Variants in DPP9 observed in about 807,000 individuals in gnomAD.
DPP9 encodes the protein dipeptidyl peptidase IV-related protein-2.
Under a neutral mutation model 110.7 loss-of-function variants are expected in DPP9, and 50 were observed. That is an observed-to-expected ratio of 0.45 (90% CI 0.36 to 0.57). DPP9 has a LOEUF of 0.57. Ranked by LOEUF, DPP9 falls within the 20% of genes least tolerant of loss-of-function variation. The pLI, the probability that DPP9 is intolerant of heterozygous loss-of-function variation, is 0.00. For synonymous variants in DPP9, 561 were observed against 514.4 expected, an observed-to-expected ratio of 1.09 and a Z score of -1.23; for missense variants, 1,022 against 1,217.9, an observed-to-expected ratio of 0.84 and a Z score of 2.39.
At position 4,685,273 on chromosome 19, in the gene DPP9, C is replaced by A. The variant is rs1407471343; in HGVS notation, c.2031+353G>T. The A allele has an allele frequency of 1.9e-6, 1 of 536,920 alleles. No individual in the cohort carries two copies. Among genetic ancestry groups the A allele is most frequent in the Non-Finnish European group, 3.6e-6 (1 of 279,332 alleles). The allele number at this position is 536,920 out of a possible 1,614,324, so 33.3% of individuals were successfully genotyped here. A position where few individuals can be genotyped will look rare whatever the true frequency, so the allele number is the denominator to read the frequency against. ...CGCCTAAGATGGTCCAACTGCCAAT[C>A]TGCTGCCTGCTTTTGACCCCTGCTC... On this transcript the variant is annotated intron_variant, in intron 17 of 21. Coordinates refer to ENST00000262960, the MANE Select transcript of DPP9 (RefSeq NM_139159.5). The surrounding 1 kb of genome is among the most constrained non-coding windows in gnomAD (Gnocchi z 5.8).
rs142365089 is a variant in DPP9 at position 4,698,133 on chromosome 19, C to T, written c.1075-482G>A. Among the ~76,000 whole-genome samples the T allele has an allele frequency of 2.0e-5, 3 of 152,340 alleles. No individual in the cohort carries two copies. In the East Asian group the frequency reaches 5.8e-4, roughly 29 times the overall value. On this transcript the variant is annotated intron_variant, in intron 10 of 21. Transcript: ENST00000262960. This position sits in a 1 kb window ranked among gnomAD's most constrained non-coding sequence, Gnocchi z 4.2. ...GGCGGCACCCCAGCAGGTGCCTGGA[C>T]CCAAAGGCTCTGGTCTGGGCTGTCC... is the stretch of plus-strand genomic sequence containing the variant.
chr19:4,688,829 T>G lies in DPP9; in HGVS notation c.1813A>C (p.Lys605Gln). Residue 605 changes from lysine to glutamine, a missense_variant, in exon 16 of 22, where the codon AAG (lysine) becomes CAG (glutamine). Physicochemically the swap from Lys to Gln is moderately conservative, Grantham distance 53 (BLOSUM62 1). Around this residue, in one of 3 missense-constraint regions of DPP9, gnomAD observed 810 missense variants for 920.6 expected, o/e 0.88. Transcript: ENST00000262960. ...VSTPPCVHVYKLSGPDDDPLH... is the reference protein window; with the variant it reads ...VSTPPCVHVYQLSGPDDDPLH... ...GGGTCGTCGTCGGGGCCGCTCAGCT[T>G]GTAGACGTGCACGCAGGGCGGCGTG... The G allele has an allele frequency of 6.6e-7, 1 of 1,507,890 alleles. No individual in the cohort carries two copies. The highest frequency in any genetic ancestry group is 8.8e-7 in the Non-Finnish European group (1 of 1,141,254). 93.4% of individuals were successfully genotyped at this position (1,507,890 alleles called of 1,614,324 possible). A position where few individuals can be genotyped will look rare whatever the true frequency, so the allele number is the denominator to read the frequency against.
chr19:4,680,119 C>T (rs1020499036), intron 20 of DPP9, among the ~76,000 whole-genome samples, 173 bp from the exon 21 acceptor site: 3 of 151,710 alleles, frequency 2.0e-5, no homozygotes, highest in African/African-American at 7.3e-5. Flanking sequence ...TGCCTGAAAT[C>T]GCAGCTACTT....
rs2091634526 is a variant in DPP9, at chr19:4,694,665, C to T, written c.1512G>A (p.Gly504=). The change falls in exon 13 of 22, where the codon GGG becomes GGA. Residue 504 remains glycine, a synonymous_variant. Transcript: ENST00000262960. The surrounding 1 kb of genome is among the most constrained non-coding windows in gnomAD (Gnocchi z 4.0). ...GYDWSEPFSP[G]EDEFKCPIKE... is the part of the protein sequence containing the mutation. The stretch of plus-strand genomic sequence containing the variant: ...CATTCGTCAGGCTCTGCTCACCTTC[C>T]CCGGGGCTGAAGGGCTCACTCCAAT... 13 of 1,610,646 alleles carry T rather than the reference C, an allele frequency of 8.1e-6. No individual in the cohort carries two copies. Among genetic ancestry groups the T allele is most frequent in the Non-Finnish European group, 1.0e-5 (12 of 1,178,400 alleles).
In DPP9 at chr19:4,704,152, G is replaced by A. The variant is rs187492097; in HGVS notation, c.579C>T (p.Asp193=). The A allele has an allele frequency of 6.9e-4, 1,109 of 1,613,962 alleles. 13 individuals carry two copies. In the African/African-American group the frequency reaches 0.012, roughly 17 times the overall value. ...QASNSLFHCR[D]GGKNGFMVSP... is the part of the protein sequence containing the mutation. ...TCACCATGAAGCCGTTCTTGCCGCC[G>A]TCGCGGCAGTGGAAGAGGCTGTTGC... Residue 193 remains aspartate, a synonymous_variant, in exon 6 of 22, where the codon GAC becomes GAT. Transcript: ENST00000262960. The surrounding 1 kb of genome is among the most constrained non-coding windows in gnomAD (Gnocchi z 6.0).
rs2091553130 is a variant in DPP9, at chr19:4,693,910, C to T, written c.1516+751G>A. Among the ~76,000 whole-genome samples, 1 of 152,086 alleles carries T rather than the reference C, an allele frequency of 6.6e-6. No homozygotes were observed. Among genetic ancestry groups the T allele is most frequent in the Non-Finnish European group, 1.5e-5 (1 of 67,978 alleles). Reference sequence around the variant, plus strand: ...CATGCCAGGAACAGTCCTGCCTGCCCCAGGGCCTTTGTACGGGCTGTGGCT... The same window carrying T: ...CATGCCAGGAACAGTCCTGCCTGCCTCAGGGCCTTTGTACGGGCTGTGGCT... On this transcript the variant is annotated intron_variant, in intron 13 of 21. Coordinates refer to ENST00000262960, the MANE Select transcript of DPP9 (RefSeq NM_139159.5). This position sits in a 1 kb window ranked among gnomAD's most constrained non-coding sequence, Gnocchi z 5.0.
chr19:4,683,473 C>T lies in DPP9; in HGVS notation c.2331+4G>A, dbSNP rs939539228. 1.2e-6 allele frequency: 2 copies of T among 1,612,862 alleles called. No homozygotes were observed. The highest frequency in any genetic ancestry group is 1.7e-6 in the Non-Finnish European group (2 of 1,179,830). On this transcript the variant is annotated splice_donor_region_variant and intron_variant, in intron 19 of 21. Transcript: ENST00000262960. ...GGCTGAGGCCGGCCAGGGGTGGGACCCACCTTGAACACCTGGGGCTTGTGG... is the reference window on the plus strand; with the variant it reads ...GGCTGAGGCCGGCCAGGGGTGGGACTCACCTTGAACACCTGGGGCTTGTGG...
intron 4 of DPP9, among the ~76,000 whole-genome samples, chr19:4,711,112 G>A (rs986867334): frequency 3.9e-5 from 6 of 152,180 alleles, no homozygotes; most frequent in African/African-American, 1.2e-4. Context: ...GGACAGGTGG[G>A]CAGCGAGGTG....
chr19:4,722,195 C>A, intron 2 of DPP9: 1 of 355,942 alleles, frequency 2.8e-6, no homozygotes, highest in Non-Finnish European at 5.1e-6. Context: ...ATTTACTGAC[C>A]GGGTCAGGCA....
rs1293854462 is a variant in DPP9, at chr19:4,718,598, T to TTA, written c.56+1251_56+1252dup. ...ACTGCCCCCAGCACTGCCTGGGCCT[T>TTA]TAGCTTTGATGAGCAACCTTTACAG... On this transcript the variant is annotated intron_variant, in intron 3 of 21. Transcript: ENST00000262960. This position sits in a 1 kb window ranked among gnomAD's most constrained non-coding sequence, Gnocchi z 4.3. Among the ~76,000 whole-genome samples, 5 of 152,188 alleles carry TTA rather than the reference T, an allele frequency of 3.3e-5. No individual in the cohort carries two copies. Among genetic ancestry groups the TTA allele is most frequent in the African/African-American group, 1.2e-4 (5 of 41,454 alleles).
rs777249388 is a variant in DPP9, at chr19:4,685,133, G to A, written c.2032-324C>T. 75 of 568,950 alleles carry A rather than the reference G, an allele frequency of 1.3e-4. No homozygotes were observed. Among genetic ancestry groups the A allele is most frequent in the Admixed American group, 2.2e-4 (10 of 45,606 alleles). The allele number at this position is 568,950 out of a possible 1,614,324, so 35.2% of individuals were successfully genotyped here. A position where few individuals can be genotyped will look rare whatever the true frequency, so the allele number is the denominator to read the frequency against. ...TCGGGTGGGGCCATCTGGGCACTGCGGGGTGCTGAGAAGCCACTCCAGGCC... is the reference window on the plus strand; with the variant it reads ...TCGGGTGGGGCCATCTGGGCACTGCAGGGTGCTGAGAAGCCACTCCAGGCC... On this transcript the variant is annotated intron_variant, in intron 17 of 21. Transcript: ENST00000262960. The surrounding 1 kb of genome is among the most constrained non-coding windows in gnomAD (Gnocchi z 5.8).
intron 21 of DPP9, among the ~76,000 whole-genome samples, chr19:4,678,151 C>T (rs1057130427): frequency 3.9e-5 from 6 of 151,958 alleles, no homozygotes; most frequent in Non-Finnish European, 8.8e-5. Context: ...CTCCCTCTGC[C>T]GCCCAGGCTG....
intron 20 of DPP9, among the ~76,000 whole-genome samples, chr19:4,681,976 A>G (rs1004654010): frequency 1.3e-5 from 2 of 148,942 alleles, no homozygotes; most frequent in Admixed American, 1.3e-4. Context: ...AGCCTCCCAT[A>G]TAGCTGGGAC....
chr19:4,704,101 C>T lies in DPP9; in HGVS notation c.600+30G>A, dbSNP rs766296818. 1.4e-5 allele frequency: 22 copies of T among 1,613,546 alleles called. No individual in the cohort carries two copies. The East Asian group carries it at 4.7e-4, about 34-fold the overall frequency. ...TCAGGGGGAGGGGCCCTCCACGCCA[C>T]CCCCGCACACAGCCAGGGCCAGGGC... is the stretch of plus-strand genomic sequence containing the variant. On this transcript the variant is annotated intron_variant, in intron 6 of 21. Coordinates refer to ENST00000262960, the MANE Select transcript of DPP9 (RefSeq NM_139159.5). The surrounding 1 kb of genome is among the most constrained non-coding windows in gnomAD (Gnocchi z 6.0).
intron 13 of DPP9, 63 bp from the exon 14 acceptor site, chr19:4,691,020 C>T: frequency 7.4e-7 from 1 of 1,350,574 alleles, no homozygotes; most frequent in Non-Finnish European, 1.0e-6. Flanking sequence ...CCCAAAGGCA[C>T]CCAGGCCAAA....
At chr19:4,681,949 C>T (rs1012117176) in intron 20 of DPP9, among the ~76,000 whole-genome samples, 13 of 149,060 alleles carry the variant, frequency 8.7e-5, no homozygotes, top group African/African-American at 3.2e-4. Flanking sequence ...CCCGGGTTCA[C>T]GCCATTCTCC....
chr19:4,720,588 C>T (rs979064449), intron 2 of DPP9, among the ~76,000 whole-genome samples: 1 of 152,182 alleles, frequency 6.6e-6, no homozygotes, highest in South Asian at 2.1e-4. Flanking sequence ...GTCCCCTTCC[C>T]CAGGGAGAGT....
chr19:4,695,563 G>T lies in DPP9; in HGVS notation c.1176-8C>A. On this transcript the variant is annotated splice_region_variant and splice_polypyrimidine_tract_variant and intron_variant, in intron 11 of 21. Coordinates refer to ENST00000262960, the MANE Select transcript of DPP9 (RefSeq NM_139159.5). The surrounding 1 kb of genome is among the most constrained non-coding windows in gnomAD (Gnocchi z 4.7). ...AGGAACATGGCCCAGGCGCTAAGGG[G>T]GAAGATGCGGGGGAAGATGAGAGGG... The T allele has an allele frequency of 6.8e-7, 1 of 1,462,572 alleles. No homozygotes were observed. The allele number at this position is 1,462,572 out of a possible 1,614,324, so 90.6% of individuals were successfully genotyped here. A position where few individuals can be genotyped will look rare whatever the true frequency, so the allele number is the denominator to read the frequency against.
chr19:4,695,816 A>C lies in DPP9; in HGVS notation c.1176-261T>G, dbSNP rs1370113992. On this transcript the variant is annotated intron_variant, in intron 11 of 21. Transcript: ENST00000262960. This position sits in a 1 kb window ranked among gnomAD's most constrained non-coding sequence, Gnocchi z 4.7. ...CAATGGCCTAAGTCTCACAGCGGCA[A>C]GCTCTAATAGTTTCTCCTCTTCACT... Among the ~76,000 whole-genome samples, 4 of 152,174 alleles carry C rather than the reference A, an allele frequency of 2.6e-5. No homozygotes were observed. The highest frequency in any genetic ancestry group is 1.9e-4 in the East Asian group (1 of 5,192).
Sources: gnomAD v4.1 joint callset for allele counts (sites outside exome capture counted in the v4.1 genomes callset) on GRCh38, gnomAD v4.1.1 for gene constraint, gnomAD v4.1.1 regional missense constraint, Gnocchi (gnomAD v3.1) non-coding constraint, MANE v1.5 for transcripts, NCBI Gene and HGNC (gene_info 2026-07-23, HGNC 2026-07-21) for gene names.